CSNK1D: variants seen among roughly 807,000 people sequenced by gnomAD.
The protein encoded by CSNK1D is casein kinase 1 delta, also known as casein kinase I isoform delta.
In CSNK1D, 16 loss-of-function variants were observed where a neutral mutation model predicts 46.6. The observed-to-expected ratio is 0.34, with a 90% CI of 0.23 to 0.52. The LOEUF (loss-of-function observed/expected upper bound fraction) is 0.52. Among genes scored for constraint, CSNK1D ranks in the 20% least tolerant of loss-of-function variants. CSNK1D has a pLI of 0.95. For missense variants in CSNK1D, 398 were observed against 578.4 expected (o/e 0.69, Z 3.20); for synonymous variants, 276 against 228.2 (o/e 1.21, Z -1.89).
intron 2 of CSNK1D, among the ~76,000 whole-genome samples, chr17:82,260,707 G>GTGACTGATGGTGTAC: frequency 7.0e-6 from 1 of 142,634 alleles, no homozygotes; most frequent in African/African-American, 3.1e-5. Flanking sequence ...ACTGACTGAT[G>GTGACTGATGGTGTAC]TGACTGATGG....
rs559073687 is a variant in CSNK1D, at chr17:82,248,457, G to A, written c.1197+418C>T. 23 of 1,059,122 alleles carry A rather than the reference G, an allele frequency of 2.2e-5. No individual in the cohort carries two copies. Among genetic ancestry groups the A allele is most frequent in the East Asian group, 8.4e-5 (1 of 11,850 alleles). 65.6% of individuals were successfully genotyped at this position (1,059,122 alleles called of 1,614,324 possible). A position where few individuals can be genotyped will look rare whatever the true frequency, so the allele number is the denominator to read the frequency against. On this transcript the variant is annotated intron_variant, in intron 8 of 8. Coordinates refer to ENST00000314028, the MANE Select transcript of CSNK1D (RefSeq NM_001893.6). This position sits in a 1 kb window ranked among gnomAD's most constrained non-coding sequence, Gnocchi z 4.1. ...ACAAGAAGCCCGTGGAGGTCCCTAC[G>A]GGCCTCCATCCCTGGCCAGTGGCAA...
Position 82,251,699 on chromosome 17 carries a change from T to C in CSNK1D, c.737-172A>G. On this transcript the variant is annotated intron_variant, in intron 5 of 8. Coordinates refer to ENST00000314028, the MANE Select transcript of CSNK1D (RefSeq NM_001893.6). The surrounding 1 kb of genome is among the most constrained non-coding windows in gnomAD (Gnocchi z 4.5). Reference sequence around the variant, plus strand: ...AGCCTTGAGAAAGCATCGAAAAGTATTCAAGTCACGGCCGGGTGCGGCGGC... The same window carrying C: ...AGCCTTGAGAAAGCATCGAAAAGTACTCAAGTCACGGCCGGGTGCGGCGGC... The C allele has an allele frequency of 2.6e-6, 2 of 772,870 alleles. No homozygotes were observed. The highest frequency in any genetic ancestry group is 4.4e-6 in the Non-Finnish European group (2 of 453,654). 47.9% of individuals were successfully genotyped at this position (772,870 alleles called of 1,614,324 possible).
At chr17:82,242,356 G>GGCGGCTGGAGT (rs2050752868), downstream of CSNK1D, among the ~76,000 whole-genome samples, 3 of 152,232 alleles carry the variant, frequency 2.0e-5, no homozygotes, top group Admixed American at 2.0e-4. Flanking sequence ...GCTCACCCCA[G>GGCGGCTGGAGT]GCGGCTGGAG....
chr17:82,270,300 C>T (rs71375096), intron 1 of CSNK1D, among the ~76,000 whole-genome samples: 4,968 of 152,300 alleles, frequency 0.033, 98 homozygotes, highest in Non-Finnish European at 0.048. Flanking sequence ...GCCCACACCA[C>T]GCTTCTAGCC....
At chr17:82,246,860 G>C in intron 8 of CSNK1D, 5 of 986,176 alleles carry the variant, frequency 5.1e-6, no homozygotes, top group Non-Finnish European at 6.0e-6. Flanking sequence ...TGCCCACGGT[G>C]ACTGTGTCTC....
In CSNK1D at chr17:82,251,337, C is replaced by G; in HGVS notation, c.885+42G>C. The G allele has an allele frequency of 6.2e-7, 1 of 1,613,082 alleles. No homozygotes were observed. On this transcript the variant is annotated intron_variant, in intron 6 of 8. Coordinates refer to ENST00000314028, the MANE Select transcript of CSNK1D (RefSeq NM_001893.6). This position sits in a 1 kb window ranked among gnomAD's most constrained non-coding sequence, Gnocchi z 4.5. ...CGGCCTCTCACTGACAAGCCATCCCCCGCACACCACACTCAGCGAACGTGC... is the reference window on the plus strand; with the variant it reads ...CGGCCTCTCACTGACAAGCCATCCCGCGCACACCACACTCAGCGAACGTGC...
chr17:82,239,878 C>T (rs925755101), downstream of CSNK1D: 14 of 673,008 alleles, frequency 2.1e-5, 1 homozygote, highest in African/African-American at 5.6e-5. Context: ...CAGCCCGGCC[C>T]AGCGCTTGGG....
intron 2 of CSNK1D, among the ~76,000 whole-genome samples, chr17:82,260,114 G>A (rs966394946): frequency 6.7e-6 from 1 of 149,888 alleles, no homozygotes; most frequent in Non-Finnish European, 1.5e-5. Context: ...ATGGTGTACT[G>A]ACTGATGTGA....
downstream of CSNK1D, among the ~76,000 whole-genome samples, chr17:82,240,717 A>G (rs1390079172): frequency 2.0e-5 from 3 of 152,196 alleles, no homozygotes; most frequent in Non-Finnish European, 4.4e-5. Flanking sequence ...CCGGACAGAC[A>G]TGCCTGAGGG....
At chr17:82,246,208 G>C (rs939572523) in intron 8 of CSNK1D, 1 of 1,520,902 alleles carries the variant, frequency 6.6e-7, no homozygotes, top group Non-Finnish European at 8.8e-7. Context: ...CTCTCAGGAC[G>C]GGCCTCTGGA....
intron 8 of CSNK1D, chr17:82,246,287 C>G (rs1568553389): frequency 7.1e-7 from 1 of 1,398,680 alleles, no homozygotes; most frequent in East Asian, 2.8e-5. Flanking sequence ...GGGACAGGCC[C>G]TCCTGAGTCT....
Position 82,258,868 on chromosome 17 carries a change from G to A in CSNK1D, c.188-3291C>T, listed in dbSNP as rs146199485. ...GCTGTCCTCCTTCTAAGCCCTTCTC[G>A]TGGCCAGAACCACACAAAGTATCAT... On this transcript the variant is annotated intron_variant, in intron 2 of 8. Coordinates refer to ENST00000314028, the MANE Select transcript of CSNK1D (RefSeq NM_001893.6). Among the ~76,000 whole-genome samples the A allele has an allele frequency of 7.8e-3, 1,185 of 152,296 alleles. 11 individuals carry two copies. The highest frequency in any genetic ancestry group is 0.011 in the Admixed American group (169 of 15,292).
At chr17:82,239,995 C>T (rs563709789), downstream of CSNK1D, 31 of 1,233,666 alleles carry the variant, frequency 2.5e-5, no homozygotes, top group South Asian at 1.6e-4. Flanking sequence ...GCGTCGTGGG[C>T]GCTGGGGACG....
intron 1 of CSNK1D, among the ~76,000 whole-genome samples, chr17:82,269,948 G>A (rs1298032066): frequency 3.3e-5 from 5 of 152,246 alleles, no homozygotes; most frequent in Non-Finnish European, 5.9e-5. Context: ...ATAAGTGAAA[G>A]AACTTCTGGT....
chr17:82,239,119 T>C, downstream of CSNK1D: 1 of 768,484 alleles, frequency 1.3e-6, no homozygotes, highest in Non-Finnish European at 2.0e-6. Context: ...CCGATCAGTG[T>C]TTTGAGGGGG....
intron 2 of CSNK1D, among the ~76,000 whole-genome samples, chr17:82,264,104 TGAGAA>T (rs1315611863): frequency 2.0e-5 from 3 of 152,236 alleles, no homozygotes. Context: ...GTGCTTGTGC[TGAGAA>T]AAGATGTCAA....
chr17:82,255,673 T>A lies in CSNK1D; in HGVS notation c.188-96A>T. 1 of 1,482,508 alleles carries A rather than the reference T, an allele frequency of 6.7e-7. No homozygotes were observed. The highest frequency in any genetic ancestry group is 9.4e-7 in the Non-Finnish European group (1 of 1,064,788). The allele number at this position is 1,482,508 out of a possible 1,614,324, so 91.8% of individuals were successfully genotyped here. A position where few individuals can be genotyped will look rare whatever the true frequency, so the allele number is the denominator to read the frequency against. ...GCACACCAAGGGGTCATGGTGACAA[T>A]CCTGAACGGGGGAGGGGTGGTGGAG... On this transcript the variant is annotated intron_variant, in intron 2 of 8. Transcript: ENST00000314028. This position sits in a 1 kb window ranked among gnomAD's most constrained non-coding sequence, Gnocchi z 5.9.
Position 82,249,350 on chromosome 17 carries a change from T to C in CSNK1D, c.1057+81A>G, listed in dbSNP as rs2147163072. On this transcript the variant is annotated intron_variant, in intron 7 of 8. Transcript: ENST00000314028. The surrounding 1 kb of genome is among the most constrained non-coding windows in gnomAD (Gnocchi z 6.7). ...AGGGCACTTAGTGTCCACCACCAAG[T>C]ACCCTGTTGTCCCCACCAACCCCAA... The C allele has an allele frequency of 7.3e-7, 1 of 1,371,990 alleles. No individual in the cohort carries two copies. Among genetic ancestry groups the C allele is most frequent in the South Asian group, 1.2e-5 (1 of 80,426 alleles). 85.0% of individuals were successfully genotyped at this position (1,371,990 alleles called of 1,614,324 possible).
rs2051043852 is a variant in CSNK1D, at chr17:82,252,678, T to A, written c.566-74A>T. The A allele has an allele frequency of 2.0e-6, 3 of 1,483,240 alleles. No individual in the cohort carries two copies. 91.9% of individuals were successfully genotyped at this position (1,483,240 alleles called of 1,614,324 possible). ...TCAAAGCAAAAGACCCGGCTGGCCG[T>A]TCCAGTGGAGACTAGCCTCAGACAC... On this transcript the variant is annotated intron_variant, in intron 4 of 8. Coordinates refer to ENST00000314028, the MANE Select transcript of CSNK1D (RefSeq NM_001893.6). This position sits in a 1 kb window ranked among gnomAD's most constrained non-coding sequence, Gnocchi z 4.6.
Sources: allele counts gnomAD v4.1 joint callset (sites outside exome capture counted in the v4.1 genomes callset), GRCh38; gene constraint gnomAD v4.1.1; non-coding constraint Gnocchi (gnomAD v3.1); transcripts MANE v1.5; gene names NCBI Gene and HGNC (gene_info 2026-07-23, HGNC 2026-07-21).